The following ZNF91 variants were observed in gnomAD, a reference collection of about 807,000 sequenced individuals.
ZNF91 encodes the protein zinc finger protein 91, also known as zinc finger protein 91 (HPF7, HTF10).
In ZNF91, 7 loss-of-function variants were observed where a neutral mutation model predicts 12.6. The ratio of observed to expected loss-of-function variants is 0.55; its 90% CI spans 0.31 to 1.04. ZNF91 has a LOEUF of 1.04. ZNF91 is among the 50% of genes least tolerant of loss of function. The pLI, the probability that ZNF91 is intolerant of heterozygous loss-of-function variation, is 0.05. For missense variants in ZNF91, 1,217 were observed against 1,385.4 expected, an observed-to-expected ratio of 0.88 and a Z score of 1.93; for synonymous variants, 453 against 462.6, an observed-to-expected ratio of 0.98 and a Z score of 0.27.
At chr19:23,391,437 CCT>C (rs2145143438) in intron 1 of ZNF91, among the ~76,000 whole-genome samples, 1 of 152,048 alleles carries the variant, frequency 6.6e-6, no homozygotes, top group South Asian at 2.1e-4. Flanking sequence ...ATTTTATTAC[CCT>C]CTGTTTAAAC....
intron 1 of ZNF91, chr19:23,309,223 A>G (rs1307822206): frequency 6.6e-6 from 1 of 152,130 alleles, no homozygotes; most frequent in Non-Finnish European, 1.5e-5. Flanking sequence ...GCTGGTCCCA[A>G]CTTATACTGT....
chr19:23,333,533 T>C (rs548656358), intron 1 of ZNF91, among the ~76,000 whole-genome samples: 43 of 152,326 alleles, frequency 2.8e-4, no homozygotes, highest in African/African-American at 1.0e-3. Flanking sequence ...GAAGACCTTC[T>C]GTGTTTTGAG....
rs1383557164 is a variant in ZNF91, at chr19:23,360,421, A to G, written c.2558T>C (p.Leu853Pro). 5.6e-6 allele frequency: 9 copies of G among 1,611,922 alleles called. No homozygotes were observed. Among genetic ancestry groups the G allele is most frequent in the Non-Finnish European group, 7.6e-6 (9 of 1,179,500 alleles). ...KHKIIHAGEKLYKCEECGKAF... is the reference protein window; with the variant it reads ...KHKIIHAGEKPYKCEECGKAF... ...TTTGCCACATTCCTCACATTTGTAGAGTTTCTCTCCAGCATGTATTATTTT... is the reference window on the plus strand; with the variant it reads ...TTTGCCACATTCCTCACATTTGTAGGGTTTCTCTCCAGCATGTATTATTTT... Residue 853 changes from leucine (L) to proline (P), a missense_variant, in exon 4 of 4, where the codon CTC becomes CCC. Transcript: ENST00000300619.
intron 1 of ZNF91, among the ~76,000 whole-genome samples, chr19:23,377,252 T>G (rs1969535885): frequency 6.6e-6 from 1 of 152,172 alleles, no homozygotes; most frequent in African/African-American, 2.4e-5. Flanking sequence ...TATCTTAAAC[T>G]TCTCATACTT....
At chr19:23,364,307 C>T (rs984597406) in intron 3 of ZNF91, among the ~76,000 whole-genome samples, 2 of 152,010 alleles carry the variant, frequency 1.3e-5, no homozygotes, top group Non-Finnish European at 2.9e-5. Context: ...ATTAGCTGTG[C>T]GTGGTGGCAC....
chr19:23,371,168 C>A (rs1969262609), intron 3 of ZNF91, among the ~76,000 whole-genome samples: 1 of 151,922 alleles, frequency 6.6e-6, no homozygotes, highest in African/African-American at 2.4e-5. Flanking sequence ...TGAGAGAAAC[C>A]CTGTCTCTAC....
intron 3 of ZNF91, among the ~76,000 whole-genome samples, chr19:23,341,431 A>G (rs1284478750): frequency 6.6e-6 from 1 of 152,234 alleles, no homozygotes; most frequent in African/African-American, 2.4e-5. Flanking sequence ...TGATACGTAT[A>G]CTTGCACATT....
At chr19:23,326,665 A>G (rs560529118) in intron 1 of ZNF91, 2 of 152,334 alleles carry the variant, frequency 1.3e-5, no homozygotes, top group Non-Finnish European at 2.9e-5. Context: ...AAATTTTTGA[A>G]GATTTTGGAG....
chr19:23,325,612 T>C (rs1327133091), intron 1 of ZNF91: 1 of 152,228 alleles, frequency 6.6e-6, no homozygotes, highest in African/African-American at 2.4e-5. Flanking sequence ...GATTGCCATG[T>C]ACACAACCTA....
Position 23,361,469 on chromosome 19 carries a change from T to C in ZNF91, c.1510A>G (p.Thr504Ala), listed in dbSNP as rs1968765875. 12 of 1,611,200 alleles carry C rather than the reference T, an allele frequency of 7.4e-6. No homozygotes were observed. The highest frequency in any genetic ancestry group is 9.3e-6 in the Non-Finnish European group (11 of 1,178,904). Residue 504 changes from threonine to alanine, a missense_variant, in exon 4 of 4, where the codon ACC (threonine) becomes GCC (alanine). Physicochemically the swap from Thr to Ala is moderately conservative, Grantham distance 58. Around this residue, in one of 2 missense-constraint regions of ZNF91, gnomAD observed 726 missense variants for 895.5 expected, o/e 0.81. Coordinates refer to ENST00000300619, the MANE Select transcript of ZNF91 (RefSeq NM_003430.4). ...ECGKAFRQSS[T>A]LTKHKIIHTG... ...TGAATTATCTTATGTTTAGTAAGGG[T>C]TGAGGATTGCCTAAAAGCTTTGCCA...
At position 23,361,677 on chromosome 19, in the gene ZNF91, G is replaced by A. The variant is rs1968778019; in HGVS notation, c.1302C>T (p.Tyr434=). The A allele has an allele frequency of 2.5e-6, 4 of 1,612,670 alleles. No individual in the cohort carries two copies. The East Asian group carries it at 6.7e-5, about 27-fold the overall frequency. ...HKFIHTGEKP[Y]KCEECGKAFN... ...ATGCTTTGCCACATTCTTCACACTT[G>A]TAAGGTTTCTCTCCAGTATGAATAA... is the stretch of plus-strand genomic sequence containing the variant. Residue 434 remains tyrosine, a synonymous_variant, in exon 4 of 4, where the codon TAC becomes TAT. Coordinates refer to ENST00000300619, the MANE Select transcript of ZNF91 (RefSeq NM_003430.4).
intron 3 of ZNF91, among the ~76,000 whole-genome samples, chr19:23,346,530 C>G (rs889133247): frequency 6.6e-6 from 1 of 152,144 alleles, no homozygotes; most frequent in Non-Finnish European, 1.5e-5. Flanking sequence ...CCCTTTTTCT[C>G]TCTTGTTTAA....
intron 1 of ZNF91, among the ~76,000 whole-genome samples, chr19:23,388,879 AAAAG>A (rs1157010794): frequency 1.2e-4 from 18 of 152,314 alleles, no homozygotes; most frequent in South Asian, 2.1e-4. Context: ...CTTTTAAAAA[AAAAG>A]AAAGAAAGAA....
In ZNF91 at chr19:23,319,481, A is replaced by C. The variant is rs4021373; in HGVS notation, n.117-10384T>G. 3.9e-5 allele frequency among the ~76,000 whole-genome samples: 6 copies of C among 152,160 alleles called. No individual in the cohort carries two copies. In the East Asian group the frequency reaches 7.7e-4, roughly 20 times the overall value. On this transcript the variant is annotated intron_variant and non_coding_transcript_variant, in intron 1 of 1. Coordinates refer to the ZNF91 transcript ENST00000596528. Reference sequence around the variant, plus strand: ...TGACTGTCCTTTCTCCCAGGCCCCAAATATTTGGTGTATTGTGAAATAACA... The same window carrying C: ...TGACTGTCCTTTCTCCCAGGCCCCACATATTTGGTGTATTGTGAAATAACA...
At chr19:23,370,647 C>T (rs1969240162) in intron 3 of ZNF91, among the ~76,000 whole-genome samples, 3 of 152,050 alleles carry the variant, frequency 2.0e-5, no homozygotes, top group Admixed American at 2.0e-4. Context: ...ACCACAGGTA[C>T]ACACCATCAT....
Position 23,349,583 on chromosome 19 carries a change from T to C in ZNF91, c.254-10529A>G, listed in dbSNP as rs527432072. 4.9e-4 allele frequency among the ~76,000 whole-genome samples: 75 copies of C among 152,216 alleles called. No homozygotes were observed. The South Asian group carries it at 0.011, about 23-fold the overall frequency. On this transcript the variant is annotated intron_variant, in intron 3 of 3. Transcript: ENST00000599743. ...GCCCCTTCCTGTCAACACCTCCTTG[T>C]CCTCTCAACATAACTGTCTTGCAGG... is the stretch of plus-strand genomic sequence containing the variant.
chr19:23,324,818 G>A (rs1415866122), intron 1 of ZNF91: 2 of 151,982 alleles, frequency 1.3e-5, no homozygotes, highest in Non-Finnish European at 2.9e-5. Flanking sequence ...GCTCTCTAAT[G>A]TTTTTGCATT....
chr19:23,391,594 T>C (rs767997417), intron 1 of ZNF91, among the ~76,000 whole-genome samples: 3 of 152,194 alleles, frequency 2.0e-5, no homozygotes, highest in African/African-American at 7.2e-5. Context: ...AGTTTTTACA[T>C]ACATCTAACT....
rs117266186 is a variant in ZNF91 at position 23,362,435 on chromosome 19, A to G, written c.544T>C (p.Phe182Leu). Residue 182 changes from phenylalanine (F) to leucine (L), a missense_variant, in exon 4 of 4, where the codon TTC (phenylalanine) becomes CTC (leucine). Coordinates refer to ENST00000300619, the MANE Select transcript of ZNF91 (RefSeq NM_003430.4). ...HTIRHTGKKC[F>L]KCKKCVKSFC... ...GACTTGACACATTTTTTACATTTGAAGCATTTCTTTCCAGTATGTCTTATC... is the reference window on the plus strand; with the variant it reads ...GACTTGACACATTTTTTACATTTGAGGCATTTCTTTCCAGTATGTCTTATC... The G allele has an allele frequency of 6.4e-3, 10,258 of 1,613,938 alleles. 56 individuals carry two copies. Among genetic ancestry groups the G allele is most frequent in the Non-Finnish European group, 6.7e-3 (7,917 of 1,179,948 alleles).
Sources: allele counts gnomAD v4.1 joint callset (sites outside exome capture counted in the v4.1 genomes callset), GRCh38; gene constraint gnomAD v4.1.1; regional missense constraint gnomAD v4.1.1; transcripts MANE v1.5; gene names NCBI Gene and HGNC (gene_info 2026-07-23, HGNC 2026-07-21).